Variants in CDH12 observed in about 807,000 individuals in gnomAD.
CDH12 encodes the protein cadherin 12, also known as cadherin-12.
CDH12 carries 41 observed loss-of-function variants against 74.1 expected under a neutral mutation model. That is an observed-to-expected ratio of 0.55 (90% CI 0.43 to 0.72). The LOEUF (loss-of-function observed/expected upper bound fraction) is 0.72, where lower values mean the gene tolerates loss of function less well. Among genes scored for constraint, CDH12 ranks in the 30% least tolerant of loss-of-function variants. The pLI, the probability that CDH12 is intolerant of heterozygous loss-of-function variation, is 0.00. For synonymous variants in CDH12, 399 were observed against 355.0 expected (o/e 1.12, Z -1.39); for missense variants, 945 against 977.2 (o/e 0.97, Z 0.44).
intron 3 of CDH12, among the ~76,000 whole-genome samples, chr5:22,259,237 A>T (rs552512562): frequency 6.6e-6 from 1 of 152,122 alleles, no homozygotes; most frequent in African/African-American, 2.4e-5. Context: ...TTGATCCTCA[A>T]TGGTCTAAAA....
intron 1 of CDH12, among the ~76,000 whole-genome samples, chr5:22,804,465 G>C (rs1315781407): frequency 6.6e-6 from 1 of 152,104 alleles, no homozygotes; most frequent in Admixed American, 6.6e-5. Context: ...AGATCTGTAG[G>C]GCAGTCAACA....
At chr5:21,875,931 C>G (rs1158411449) in intron 6 of CDH12, among the ~76,000 whole-genome samples, 1 of 147,232 alleles carries the variant, frequency 6.8e-6, no homozygotes, top group African/African-American at 2.5e-5. Context: ...GAGTCTCGCT[C>G]TCTCTCCATG....
chr5:22,026,248 G>A (rs1366720446), intron 5 of CDH12, among the ~76,000 whole-genome samples: 2 of 152,142 alleles, frequency 1.3e-5, no homozygotes, highest in African/African-American at 4.8e-5. Flanking sequence ...GGGCCAAACT[G>A]GTTAGACATG....
At chr5:21,768,450 C>G (rs1745145122) in intron 11 of CDH12, among the ~76,000 whole-genome samples, 2 of 151,616 alleles carry the variant, frequency 1.3e-5, no homozygotes, top group South Asian at 4.2e-4. Context: ...AATAAATTAC[C>G]TAAATCTGAA....
intron 3 of CDH12, among the ~76,000 whole-genome samples, chr5:22,282,936 A>G (rs1289131736): frequency 6.6e-6 from 1 of 152,042 alleles, no homozygotes; most frequent in Non-Finnish European, 1.5e-5. Flanking sequence ...AGACACAAGC[A>G]CACGTATGTT....
chr5:22,319,238 A>G (rs1738758182), intron 3 of CDH12, among the ~76,000 whole-genome samples: 1 of 152,224 alleles, frequency 6.6e-6, no homozygotes, highest in Non-Finnish European at 1.5e-5. Context: ...GAACAGAAAT[A>G]GAATCATTGG....
At chr5:22,289,063 C>T (rs2150411914) in intron 3 of CDH12, among the ~76,000 whole-genome samples, 1 of 152,074 alleles carries the variant, frequency 6.6e-6, no homozygotes, top group Middle Eastern at 3.4e-3. Context: ...AGACTTGTAT[C>T]ATAAAGCAGA....
chr5:22,835,992 G>C (rs368178825), intron 1 of CDH12, among the ~76,000 whole-genome samples: 5 of 152,162 alleles, frequency 3.3e-5, no homozygotes, highest in African/African-American at 1.2e-4. Flanking sequence ...TGTTCCCAGA[G>C]AGAGAGCAGC....
chr5:22,135,425 G>A (rs1017064442), intron 4 of CDH12, among the ~76,000 whole-genome samples: 12 of 151,920 alleles, frequency 7.9e-5, no homozygotes, highest in East Asian at 3.9e-4. Flanking sequence ...GGATCTAAGC[G>A]TATAACAGAT....
intron 3 of CDH12, among the ~76,000 whole-genome samples, chr5:22,314,387 T>C (rs555398170): frequency 1.3e-5 from 2 of 152,234 alleles, no homozygotes; most frequent in Admixed American, 6.5e-5. Context: ...CCTAATCCAG[T>C]ATGGGTGATG....
At chr5:21,773,421 G>A (rs1745430243) in intron 11 of CDH12, among the ~76,000 whole-genome samples, 1 of 152,150 alleles carries the variant, frequency 6.6e-6, no homozygotes. Flanking sequence ...CGGAAGGACT[G>A]GACAAGCTGA....
At chr5:22,295,042 A>T (rs903975078) in intron 3 of CDH12, among the ~76,000 whole-genome samples, 8 of 151,830 alleles carry the variant, frequency 5.3e-5, no homozygotes, top group African/African-American at 1.9e-4. Context: ...ACCTTGACCA[A>T]CCTCCCCACT....
chr5:22,521,007 T>A (rs969775536), intron 1 of CDH12, among the ~76,000 whole-genome samples: 43 of 151,848 alleles, frequency 2.8e-4, no homozygotes, highest in Middle Eastern at 3.4e-3. Context: ...TTTTTTGTCT[T>A]AGTAAAGCGT....
chr5:22,706,803 A>C (rs948550157), intron 1 of CDH12, among the ~76,000 whole-genome samples: 1 of 152,174 alleles, frequency 6.6e-6, no homozygotes, highest in African/African-American at 2.4e-5. Context: ...ATAGATATCT[A>C]AGCCAGTAAA....
chr5:22,308,123 G>T (rs1179160750), intron 3 of CDH12, among the ~76,000 whole-genome samples: 1 of 151,826 alleles, frequency 6.6e-6, no homozygotes, highest in Non-Finnish European at 1.5e-5. Flanking sequence ...CTCGTGATCT[G>T]CCCACCTCGG....
chr5:22,398,166 G>A (rs1480359126), intron 3 of CDH12, among the ~76,000 whole-genome samples: 2 of 152,028 alleles, frequency 1.3e-5, no homozygotes, highest in Non-Finnish European at 2.9e-5. Flanking sequence ...TTCACTAACA[G>A]CAGACCAGTA....
At chr5:22,230,393 G>A (rs1258438928) in intron 3 of CDH12, among the ~76,000 whole-genome samples, 1 of 151,686 alleles carries the variant, frequency 6.6e-6, no homozygotes, top group Non-Finnish European at 1.5e-5. Flanking sequence ...TCTCACCACT[G>A]CCATTCACAA....
At chr5:22,575,816 C>T (rs1360332887) in intron 1 of CDH12, among the ~76,000 whole-genome samples, 1 of 152,168 alleles carries the variant, frequency 6.6e-6, no homozygotes, top group Admixed American at 6.5e-5. Flanking sequence ...CCGCCTGCCT[C>T]AGCCTCCCAA....
At chr5:22,621,553 A>T (rs1737973574) in intron 1 of CDH12, among the ~76,000 whole-genome samples, 1 of 152,130 alleles carries the variant, frequency 6.6e-6, no homozygotes, top group Non-Finnish European at 1.5e-5. Context: ...TATAAAAGAA[A>T]TTATAACAGC....
Sources: gnomAD v4.1 joint callset for allele counts (sites outside exome capture counted in the v4.1 genomes callset) on GRCh38, gnomAD v4.1.1 for gene constraint, MANE v1.5 for transcripts, NCBI Gene and HGNC (gene_info 2026-07-23, HGNC 2026-07-21) for gene names.